PIP4K2A: variants seen among roughly 807,000 people sequenced by gnomAD.
PIP4K2A encodes phosphatidylinositol 5-phosphate 4-kinase type-2 alpha.
In PIP4K2A, 14 loss-of-function variants were observed where a neutral mutation model predicts 42.9. The ratio of observed to expected loss-of-function variants is 0.33; its 90% confidence interval spans 0.22 to 0.51. The LOEUF is 0.51. Ranked by LOEUF, PIP4K2A falls within the 20% of genes least tolerant of loss-of-function variation. The probability of loss-of-function intolerance (pLI) is 0.97; values close to 1 mark genes in which losing one functional copy is unlikely to be tolerated. For synonymous variants in PIP4K2A, 192 were observed against 192.2 expected (o/e 1.00, Z 0.01); for missense variants, 434 against 519.8 (o/e 0.83, Z 1.61).
At chr10:22,640,682 AT>A (rs765823864) in intron 1 of PIP4K2A, among the ~76,000 whole-genome samples, 1 of 152,160 alleles carries the variant, frequency 6.6e-6, no homozygotes, top group Non-Finnish European at 1.5e-5. Flanking sequence ...ACTGGATCCA[AT>A]TTATTTACCT....
At chr10:22,696,183 A>T (rs1015360044) in intron 1 of PIP4K2A, among the ~76,000 whole-genome samples, 4 of 152,202 alleles carry the variant, frequency 2.6e-5, no homozygotes, top group African/African-American at 9.7e-5. Context: ...CAACTATAGA[A>T]TATTTCAACA....
chr10:22,596,227 G>GAAAAAAAAAAAA, intron 3 of PIP4K2A, among the ~76,000 whole-genome samples: 1 of 54,976 alleles, frequency 1.8e-5, no homozygotes, highest in Non-Finnish European at 4.3e-5. Flanking sequence ...AAAAAAAAAG[G>GAAAAAAAAAAAA]ATTTACTCGA....
chr10:22,685,318 A>ATT, intron 1 of PIP4K2A, among the ~76,000 whole-genome samples: 1 of 152,314 alleles, frequency 6.6e-6, no homozygotes. Flanking sequence ...ATAATACTAA[A>ATT]AAATTTCAGA....
chr10:22,622,814 G>T (rs1320727855), intron 1 of PIP4K2A, among the ~76,000 whole-genome samples: 2 of 152,094 alleles, frequency 1.3e-5, no homozygotes, highest in Non-Finnish European at 1.5e-5. Context: ...TTAACATCAT[G>T]CAATACTAAA....
chr10:22,557,673 A>T, intron 6 of PIP4K2A, among the ~76,000 whole-genome samples: 1 of 152,366 alleles, frequency 6.6e-6, no homozygotes, highest in South Asian at 2.1e-4. Context: ...AAAAATCACA[A>T]ATTTCAAACT....
intron 3 of PIP4K2A, among the ~76,000 whole-genome samples, chr10:22,592,480 T>C (rs1837536320): frequency 6.6e-6 from 1 of 152,170 alleles, no homozygotes; most frequent in Admixed American, 6.5e-5. Flanking sequence ...AAACAGCTCC[T>C]CCTTAGGCGA....
intron 1 of PIP4K2A, among the ~76,000 whole-genome samples, chr10:22,683,651 T>C (rs1839705743): frequency 6.6e-6 from 1 of 152,200 alleles, no homozygotes; most frequent in African/African-American, 2.4e-5. Context: ...TTCTGTTCCC[T>C]TCTGCAGGGT....
At position 22,609,704 on chromosome 10, in the gene PIP4K2A, C is replaced by T; in HGVS notation, c.158G>A (p.Ser53Asn). 2 of 1,600,666 alleles carry T rather than the reference C, an allele frequency of 1.2e-6. No homozygotes were observed. Among genetic ancestry groups the T allele is most frequent in the South Asian group, 1.1e-5 (1 of 90,416 alleles). ...CAACATAACAGGGATTTGAACATGGCTCAGTTCATTGATCTGGAAAAATAT... is the reference window on the plus strand; with the variant it reads ...CAACATAACAGGGATTTGAACATGGTTCAGTTCATTGATCTGGAAAAATAT... Reference protein sequence around the residue: ...WGVNHSINELSHVQIPVMLMP... With the variant: ...WGVNHSINELNHVQIPVMLMP... The change falls in exon 2 of 10, where the codon AGC (serine) becomes AAC (asparagine). Residue 53 changes from serine (S) to asparagine (N), a missense_variant. Physicochemically the swap from Ser to Asn is conservative, Grantham distance 46. Transcript: ENST00000376573.
In PIP4K2A at chr10:22,609,711, C is replaced by T. The variant is rs1837988229; in HGVS notation, c.151G>A (p.Glu51Lys). Residue 51 changes from glutamate to lysine, a missense_variant, in exon 2 of 10, where the codon GAA becomes AAA. Around this residue, in one of 2 missense-constraint regions of PIP4K2A, gnomAD observed 395 missense variants for 444.5 expected, o/e 0.89. Transcript: ENST00000376573. ...ACAGGGATTTGAACATGGCTCAGTTCATTGATCTGGAAAAATATAAAATAA... is the reference window on the plus strand; with the variant it reads ...ACAGGGATTTGAACATGGCTCAGTTTATTGATCTGGAAAAATATAAAATAA... Reference protein sequence around the residue: ...LMWGVNHSINELSHVQIPVML... With the variant: ...LMWGVNHSINKLSHVQIPVML... 3 of 1,589,602 alleles carry T rather than the reference C, an allele frequency of 1.9e-6. No homozygotes were observed. The highest frequency in any genetic ancestry group is 2.6e-6 in the Non-Finnish European group (3 of 1,160,572).
intron 1 of PIP4K2A, among the ~76,000 whole-genome samples, chr10:22,622,750 G>A (rs1447196187): frequency 1.3e-5 from 2 of 152,148 alleles, no homozygotes; most frequent in African/African-American, 4.8e-5. Flanking sequence ...TGGGAGGAAA[G>A]CCTTTAGCAT....
rs57671642 is a variant in PIP4K2A at position 22,627,591 on chromosome 10, TAAAAAAAAAAAAAAAAAAAAAA to T, written c.145-17896_145-17875del. Among the ~76,000 whole-genome samples the T allele has an allele frequency of 2.0e-3, 112 of 57,036 alleles. 1 individual carries two copies. In the East Asian group the frequency reaches 0.074, roughly 37 times the overall value. The allele number at this position is 57,036 out of a possible 152,430, so 37.4% of individuals were successfully genotyped here. ...TGTTTAACCAAAAGCTAATATGTAA[TAAAAAAAAAAAAAAAAAAAAAA>T]AAAAAAAAAAAAAAAAAAGATAAGG... is the stretch of plus-strand genomic sequence containing the variant. On this transcript the variant is annotated intron_variant, in intron 1 of 9. Transcript: ENST00000376573.
At position 22,714,463 on chromosome 10, in the gene PIP4K2A, C is replaced by T. The variant is rs1588723112; in HGVS notation, c.-137G>A. 2 of 358,782 alleles carry T rather than the reference C, an allele frequency of 5.6e-6. No individual in the cohort carries two copies. The allele number at this position is 358,782 out of a possible 1,614,324, so 22.2% of individuals were successfully genotyped here. A position where few individuals can be genotyped will look rare whatever the true frequency, so the allele number is the denominator to read the frequency against. On this transcript the variant is annotated 5_prime_UTR_variant, in exon 1 of 10. Coordinates refer to ENST00000376573, the MANE Select transcript of PIP4K2A (RefSeq NM_005028.5). ...CCGCGCTCCGCTCCGCCCGCCGCCGCCGGCGCGCTCAGCCCCACTCGGCTC... is the reference window on the plus strand; with the variant it reads ...CCGCGCTCCGCTCCGCCCGCCGCCGTCGGCGCGCTCAGCCCCACTCGGCTC...
chr10:22,668,545 T>C (rs968317934), intron 1 of PIP4K2A, among the ~76,000 whole-genome samples: 1 of 152,150 alleles, frequency 6.6e-6, no homozygotes, highest in Admixed American at 6.5e-5. Flanking sequence ...CAACATACAA[T>C]TGGGCTGTAT....
At chr10:22,712,116 T>C (rs1833920908) in intron 1 of PIP4K2A, among the ~76,000 whole-genome samples, 1 of 152,240 alleles carries the variant, frequency 6.6e-6, no homozygotes, top group Non-Finnish European at 1.5e-5. Flanking sequence ...TGTGGATACT[T>C]AGAACTGCCA....
chr10:22,553,175 T>A (rs1423936699), intron 6 of PIP4K2A, among the ~76,000 whole-genome samples: 1 of 152,200 alleles, frequency 6.6e-6, no homozygotes, highest in African/African-American at 2.4e-5. Context: ...CCAGATTGGC[T>A]AAAAGACTTA....
At chr10:22,643,334 T>C (rs899656397) in intron 1 of PIP4K2A, among the ~76,000 whole-genome samples, 4 of 152,184 alleles carry the variant, frequency 2.6e-5, no homozygotes, top group African/African-American at 9.7e-5. Context: ...ATGGCTGTGT[T>C]CGTGCTATGA....
chr10:22,697,488 G>A (rs541810638), intron 1 of PIP4K2A, among the ~76,000 whole-genome samples: 1 of 152,290 alleles, frequency 6.6e-6, no homozygotes, highest in South Asian at 2.1e-4. Flanking sequence ...GGCCGAGGCA[G>A]AAAGATCACT....
chr10:22,561,012 A>G (rs553735227), intron 6 of PIP4K2A, among the ~76,000 whole-genome samples: 2 of 152,322 alleles, frequency 1.3e-5, no homozygotes, highest in South Asian at 4.1e-4. Context: ...AGCTATAATT[A>G]CTAATTTGAT....
intron 1 of PIP4K2A, among the ~76,000 whole-genome samples, chr10:22,685,658 C>T (rs561490588): frequency 2.6e-5 from 4 of 152,236 alleles, no homozygotes; most frequent in Admixed American, 6.5e-5. Context: ...GAGATTGAGG[C>T]TGTGGTAAGC....
Sources: gnomAD v4.1 joint callset for allele counts (sites outside exome capture counted in the v4.1 genomes callset) on GRCh38, gnomAD v4.1.1 for gene constraint, gnomAD v4.1.1 regional missense constraint, MANE v1.5 for transcripts, NCBI Gene and HGNC (gene_info 2026-07-23, HGNC 2026-07-21) for gene names.